Variants in FCRL5 observed in about 807,000 individuals in gnomAD.
FCRL5 encodes the protein Fc receptor-like protein 5.
Under a neutral mutation model 92.1 loss-of-function variants are expected in FCRL5, and 79 were observed. The ratio of observed to expected loss-of-function variants is 0.86; its 90% CI spans 0.72 to 1.03. The LOEUF is 1.03. Among genes scored for constraint, FCRL5 ranks in the 50% least tolerant of loss-of-function variants. The probability of loss-of-function intolerance (pLI) is 0.00; values close to 1 mark genes in which losing one functional copy is unlikely to be tolerated. For missense variants in FCRL5, 1,160 were observed against 1,181.1 expected (o/e 0.98, Z 0.26); for synonymous variants, 466 against 469.3 (o/e 0.99, Z 0.09).
At chr1:157,551,908 G>C (rs141832350) in intron 1 of FCRL5, among the ~76,000 whole-genome samples, 2 of 152,102 alleles carry the variant, frequency 1.3e-5, no homozygotes, top group African/African-American at 4.8e-5. Flanking sequence ...TGTCTTTCCC[G>C]TTAGAAACCT....
intron 13 of FCRL5, 67 bp downstream of exon 13, chr1:157,519,676 A>G: frequency 6.5e-7 from 1 of 1,541,218 alleles, no homozygotes; most frequent in Non-Finnish European, 9.0e-7. Context: ...TAATCATCAG[A>G]TTCAATTCCA....
At chr1:157,540,149 C>A (rs1325276676) in intron 6 of FCRL5, among the ~76,000 whole-genome samples, 1 of 152,226 alleles carries the variant, frequency 6.6e-6, no homozygotes, top group African/African-American at 2.4e-5. Flanking sequence ...GGTGACCCAG[C>A]CACTTCCCAG....
intron 3 of FCRL5, among the ~76,000 whole-genome samples, chr1:157,546,485 C>CAAACCAAACCAAACA (rs1651544793): frequency 3.3e-5 from 5 of 151,978 alleles, no homozygotes; most frequent in African/African-American, 9.7e-5. Context: ...CAAACCAAAC[C>CAAACCAAACCAAACA]AAACCAAACC....
chr1:157,514,421 A>G lies in FCRL5; in HGVS notation c.*1254T>C, dbSNP rs569308708. 1 of 152,254 alleles carries G rather than the reference A, an allele frequency of 6.6e-6. No individual in the cohort carries two copies. Among genetic ancestry groups the G allele is most frequent in the Non-Finnish European group, 1.5e-5 (1 of 68,058 alleles). 9.4% of individuals were successfully genotyped at this position (152,254 alleles called of 1,614,324 possible). On this transcript the variant is annotated 3_prime_UTR_variant, in exon 17 of 17. Coordinates refer to ENST00000361835, the MANE Select transcript of FCRL5 (RefSeq NM_031281.3). ...TTCCCAGGGTGGCTGATGAAAGCCA[A>G]CATGTCACAGAGAAGAAGCTCTCTC...
rs1173566886 is a variant in FCRL5 at position 157,513,559 on chromosome 1, A to T, written c.*2116T>A. The T allele has an allele frequency of 4.6e-5, 7 of 152,240 alleles. No homozygotes were observed. The highest frequency in any genetic ancestry group is 1.7e-4 in the African/African-American group (7 of 41,456). The allele number at this position is 152,240 out of a possible 1,614,324, so 9.4% of individuals were successfully genotyped here. ...TTTTTCAGTTTGCGTCTGAAAGCAGAAAAACTTATGTCCCAGCCCAAAGCA... is the reference window on the plus strand; with the variant it reads ...TTTTTCAGTTTGCGTCTGAAAGCAGTAAAACTTATGTCCCAGCCCAAAGCA... On this transcript the variant is annotated 3_prime_UTR_variant, in exon 17 of 17. Coordinates refer to ENST00000361835, the MANE Select transcript of FCRL5 (RefSeq NM_031281.3).
At chr1:157,539,875 C>G (rs1470799315) in intron 6 of FCRL5, among the ~76,000 whole-genome samples, 1 of 152,216 alleles carries the variant, frequency 6.6e-6, no homozygotes, top group African/African-American at 2.4e-5. Flanking sequence ...AAGAATGCAA[C>G]TGTTTGTCTG....
At chr1:157,530,082 G>A (rs1456116396) in intron 8 of FCRL5, among the ~76,000 whole-genome samples, 1 of 152,088 alleles carries the variant, frequency 6.6e-6, no homozygotes, top group Non-Finnish European at 1.5e-5. Context: ...TACTTCTGTT[G>A]AGTATTTGGT....
At chr1:157,550,693 C>T (rs778241210) in intron 1 of FCRL5, among the ~76,000 whole-genome samples, 1 of 152,050 alleles carries the variant, frequency 6.6e-6, no homozygotes, top group Non-Finnish European at 1.5e-5. Flanking sequence ...AAAAGATATT[C>T]CTTTAATGTT....
chr1:157,546,396 C>G (rs547578307), intron 3 of FCRL5: 1 of 345,256 alleles, frequency 2.9e-6, no homozygotes. Flanking sequence ...TGCAGTGAGC[C>G]GAGATAACGC....
chr1:157,522,470 C>T (rs1650243144), intron 10 of FCRL5: 1 of 152,226 alleles, frequency 6.6e-6, no homozygotes, highest in South Asian at 2.1e-4. Flanking sequence ...ACCTCAGTCT[C>T]TTTTCCGCAA....
intron 11 of FCRL5, 94 bp downstream of exon 11, chr1:157,520,923 G>A (rs1650155216): frequency 7.2e-7 from 1 of 1,390,084 alleles, no homozygotes; most frequent in Non-Finnish European, 9.8e-7. Context: ...TCGCCCTGAG[G>A]AGTGCCTTTC....
chr1:157,534,188 C>G, intron 8 of FCRL5: 1 of 454,350 alleles, frequency 2.2e-6, no homozygotes, highest in Non-Finnish European at 4.1e-6. Context: ...CCTTTGTTCA[C>G]CAGCAGCTTT....
intron 2 of FCRL5, among the ~76,000 whole-genome samples, chr1:157,548,218 C>T (rs1651647927): frequency 6.6e-6 from 1 of 152,212 alleles, no homozygotes; most frequent in Non-Finnish European, 1.5e-5. Context: ...CAGAGGGTGA[C>T]CATGAAGCTA....
chr1:157,524,585 G>C (rs1355844348), intron 9 of FCRL5, 28 bp from the exon 10 acceptor site: 2 of 1,541,530 alleles, frequency 1.3e-6, no homozygotes, highest in Admixed American at 2.1e-5. Context: ...TTATGTATCA[G>C]CTGCTTCTGC....
chr1:157,528,691 A>T (rs1650551933), intron 8 of FCRL5: 1 of 152,232 alleles, frequency 6.6e-6, no homozygotes, highest in South Asian at 2.1e-4. Context: ...GATAAAGGAA[A>T]CAAAAATGTA....
chr1:157,521,570 G>T, intron 10 of FCRL5: 1 of 328,706 alleles, frequency 3.0e-6, no homozygotes, highest in Non-Finnish European at 5.5e-6. Context: ...TAAACACAAA[G>T]ACAACCATAC....
intron 15 of FCRL5, among the ~76,000 whole-genome samples, chr1:157,517,975 G>T (rs1205609739): frequency 6.6e-6 from 1 of 152,056 alleles, no homozygotes; most frequent in African/African-American, 2.4e-5. Context: ...CATCTGTCTG[G>T]AAAATGGGAA....
Position 157,524,562 on chromosome 1 carries a change from GGGA to G in FCRL5, c.1961-8_1961-6del. ...GGATGGGACGAGATACTGGAACTGA[GGGA>G]GGAAAAACGTTATGTATCAGCTGCT... On this transcript the variant is annotated splice_polypyrimidine_tract_variant and splice_region_variant and intron_variant, in intron 9 of 16. Transcript: ENST00000361835. The G allele has an allele frequency of 6.4e-7, 1 of 1,570,742 alleles. No individual in the cohort carries two copies. The highest frequency in any genetic ancestry group is 1.2e-5 in the South Asian group (1 of 85,866).
At chr1:157,534,456 T>C (rs1571093895) in intron 8 of FCRL5, 158 bp downstream of exon 8, 2 of 825,488 alleles carry the variant, frequency 2.4e-6, no homozygotes, top group South Asian at 2.9e-5. Context: ...CCAGGACTTA[T>C]GAGTACGGAA....
Sources: gnomAD v4.1 joint callset for allele counts (sites outside exome capture counted in the v4.1 genomes callset) on GRCh38, gnomAD v4.1.1 for gene constraint, MANE v1.5 for transcripts, NCBI Gene and HGNC (gene_info 2026-07-23, HGNC 2026-07-21) for gene names.